Variants in ANKRD10 observed in about 807,000 individuals in gnomAD.
ANKRD10 encodes ankyrin repeat domain 10, also known as ankyrin repeat domain-containing protein 10.
A neutral mutation model predicts 27.0 loss-of-function variants in ANKRD10; 14 were observed. The observed-to-expected ratio is 0.52, with a 90% confidence interval of 0.34 to 0.81. The LOEUF (loss-of-function observed/expected upper bound fraction) is 0.81. ANKRD10 is among the 40% of genes least tolerant of loss of function. The pLI, the probability that ANKRD10 is intolerant of heterozygous loss-of-function variation, is 0.01. For synonymous variants in ANKRD10, 250 were observed against 224.5 expected (o/e 1.11, Z -1.01); for missense variants, 493 against 544.0 (o/e 0.91, Z 0.93).
intron 5 of ANKRD10, among the ~76,000 whole-genome samples, chr13:110,881,465 CTT>C (rs3839994): frequency 6.6e-6 from 1 of 151,874 alleles, no homozygotes; most frequent in Non-Finnish European, 1.5e-5. Context: ...ATTAATCATC[CTT>C]TTTTTTTATA....
At chr13:110,898,739 G>GT (rs963683839) in intron 3 of ANKRD10, among the ~76,000 whole-genome samples, 5 of 136,778 alleles carry the variant, frequency 3.7e-5, no homozygotes, top group African/African-American at 1.4e-4. Context: ...TACCCAACTA[G>GT]TTTTTCTTTT....
Position 110,914,869 on chromosome 13 carries a change from G to T in ANKRD10, c.66C>A (p.Leu22=). The change falls in exon 1 of 6, where the codon CTC becomes CTA. Residue 22 remains leucine, a synonymous_variant. Coordinates refer to ENST00000267339, the MANE Select transcript of ANKRD10 (RefSeq NM_017664.4). ...GGCAGGCGCGGTGCAGCGGGAAACG[G>T]AGCGAGAGCAGCTCCTCGCTGGAGA... ...AGFSSEELLS[L]RFPLHRACRD... is the part of the protein sequence containing the mutation. The T allele has an allele frequency of 6.4e-7, 1 of 1,552,208 alleles. No homozygotes were observed.
intron 2 of ANKRD10, among the ~76,000 whole-genome samples, chr13:110,908,433 C>A (rs1016628615): frequency 6.6e-6 from 1 of 152,142 alleles, no homozygotes; most frequent in Non-Finnish European, 1.5e-5. Context: ...GGTAATCTCA[C>A]CTCAGAGACT....
chr13:110,897,174 T>C (rs2065248605), intron 3 of ANKRD10, among the ~76,000 whole-genome samples: 1 of 152,106 alleles, frequency 6.6e-6, no homozygotes, highest in South Asian at 2.1e-4. Context: ...TTGCCCCAGC[T>C]GGAGTGCAGT....
intron 4 of ANKRD10, among the ~76,000 whole-genome samples, chr13:110,887,277 G>A (rs1445708993): frequency 6.6e-6 from 1 of 152,206 alleles, no homozygotes; most frequent in Non-Finnish European, 1.5e-5. Flanking sequence ...GAGCTATTCA[G>A]GATCAAGCAG....
At chr13:110,904,448 T>C (rs1361052160) in intron 3 of ANKRD10, 1 of 152,196 alleles carries the variant, frequency 6.6e-6, no homozygotes, top group East Asian at 1.9e-4. Flanking sequence ...GATTAAGCTA[T>C]CCATAAAATG....
At chr13:110,906,494 GTCA>G (rs1480168488) in intron 2 of ANKRD10, among the ~76,000 whole-genome samples, 6 of 152,150 alleles carry the variant, frequency 3.9e-5, no homozygotes, top group South Asian at 2.1e-4. Flanking sequence ...CATTAAAACG[GTCA>G]TCAAGGCCAA....
intron 4 of ANKRD10, 60 bp from the exon 5 acceptor site, chr13:110,883,853 A>G (rs2064864795): frequency 1.3e-6 from 2 of 1,581,784 alleles, no homozygotes; most frequent in East Asian, 4.6e-5. Context: ...AAGTGTTCAG[A>G]CACACAGTTT....
intron 4 of ANKRD10, among the ~76,000 whole-genome samples, chr13:110,889,417 T>C (rs930575212): frequency 2.0e-5 from 3 of 152,248 alleles, no homozygotes; most frequent in Non-Finnish European, 1.5e-5. Flanking sequence ...CCAGAGTTCA[T>C]GTCCACACCT....
chr13:110,895,507 A>G (rs1314699441), intron 3 of ANKRD10, among the ~76,000 whole-genome samples: 1 of 152,134 alleles, frequency 6.6e-6, no homozygotes, highest in East Asian at 1.9e-4. Context: ...GAATCGCTTG[A>G]ACCTGGGAGG....
chr13:110,886,339 A>G (rs138528246), intron 4 of ANKRD10, among the ~76,000 whole-genome samples: 2 of 152,368 alleles, frequency 1.3e-5, no homozygotes, highest in African/African-American at 2.4e-5. Context: ...ATAAAGCAGG[A>G]TAAGAATGAA....
At chr13:110,902,590 G>A (rs923185215) in intron 3 of ANKRD10, among the ~76,000 whole-genome samples, 2 of 152,098 alleles carry the variant, frequency 1.3e-5, no homozygotes, top group African/African-American at 2.4e-5. Context: ...TAAGGCTATC[G>A]ATGCTTCTCA....
At chr13:110,897,227 G>A (rs1209982444) in intron 3 of ANKRD10, among the ~76,000 whole-genome samples, 3 of 151,538 alleles carry the variant, frequency 2.0e-5, no homozygotes. Flanking sequence ...CCTGGGCTAA[G>A]GGATCCTCCT....
chr13:110,887,551 A>T (rs963095136), intron 4 of ANKRD10, among the ~76,000 whole-genome samples: 2 of 151,916 alleles, frequency 1.3e-5, no homozygotes, highest in Non-Finnish European at 2.9e-5. Flanking sequence ...ACCAAAAAGC[A>T]CTCTATAAAG....
At chr13:110,883,469 T>C in intron 5 of ANKRD10, 1 of 1,255,236 alleles carries the variant, frequency 8.0e-7, no homozygotes, top group Non-Finnish European at 1.0e-6. Context: ...ATATGCAAAT[T>C]ATAGTATAAC....
chr13:110,901,714 T>C (rs935608992), intron 3 of ANKRD10, among the ~76,000 whole-genome samples: 12 of 152,022 alleles, frequency 7.9e-5, no homozygotes, highest in African/African-American at 2.2e-4. Context: ...AACCGGAAAA[T>C]AGCCAAGACC....
At chr13:110,885,806 C>A (rs923451047) in intron 4 of ANKRD10, among the ~76,000 whole-genome samples, 11 of 152,192 alleles carry the variant, frequency 7.2e-5, no homozygotes, top group Non-Finnish European at 1.5e-4. Flanking sequence ...CTTAAAATAC[C>A]TACACACTCA....
At chr13:110,902,996 A>G (rs1279178890) in intron 3 of ANKRD10, among the ~76,000 whole-genome samples, 1 of 152,214 alleles carries the variant, frequency 6.6e-6, no homozygotes, top group Non-Finnish European at 1.5e-5. Context: ...TAGTAGTGAA[A>G]AGGTCTTCTT....
chr13:110,910,572 A>G (rs1320785606), intron 2 of ANKRD10, 46 bp downstream of exon 2: 10 of 1,607,692 alleles, frequency 6.2e-6, no homozygotes, highest in Non-Finnish European at 8.5e-6. Context: ...TATAACTGCA[A>G]AAAGAAAAAG....
Sources: allele counts gnomAD v4.1 joint callset (sites outside exome capture counted in the v4.1 genomes callset), GRCh38; gene constraint gnomAD v4.1.1; transcripts MANE v1.5; gene names NCBI Gene and HGNC (gene_info 2026-07-23, HGNC 2026-07-21).